Variants in LDLRAD4 observed in about 807,000 individuals in gnomAD.
The protein encoded by LDLRAD4 is low-density lipoprotein receptor class A domain-containing protein 4.
Under a neutral mutation model 17.0 loss-of-function variants are expected in LDLRAD4, and 5 were observed. That is an observed-to-expected ratio of 0.29 (90% CI 0.15 to 0.62). The LOEUF is 0.62. LDLRAD4 is among the 20% of genes least tolerant of loss of function. LDLRAD4 has a pLI of 0.84. For synonymous variants in LDLRAD4, 168 were observed against 171.8 expected, an observed-to-expected ratio of 0.98 and a Z score of 0.17; for missense variants, 340 against 424.7, an observed-to-expected ratio of 0.80 and a Z score of 1.75.
intron 1 of LDLRAD4, among the ~76,000 whole-genome samples, chr18:13,253,629 G>T (rs147711665): frequency 3.9e-5 from 6 of 152,172 alleles, no homozygotes; most frequent in Non-Finnish European, 7.3e-5. Context: ...CAAATGAAGT[G>T]GGGGGAGGAA....
chr18:13,223,789 G>T (rs1447233576), intron 1 of LDLRAD4, among the ~76,000 whole-genome samples: 2 of 152,200 alleles, frequency 1.3e-5, no homozygotes, highest in Non-Finnish European at 2.9e-5. Context: ...CCTCACAGCG[G>T]CCCTGTGACA....
At chr18:13,386,821 C>T (rs2085844392) in intron 1 of LDLRAD4, among the ~76,000 whole-genome samples, 1 of 152,104 alleles carries the variant, frequency 6.6e-6, no homozygotes, top group Admixed American at 6.5e-5. Flanking sequence ...GGAGGCCAAG[C>T]CCTTTGTGAG....
chr18:13,517,011 G>A (rs940399795), intron 3 of LDLRAD4, among the ~76,000 whole-genome samples: 5 of 152,110 alleles, frequency 3.3e-5, no homozygotes, highest in African/African-American at 9.7e-5. Flanking sequence ...TGCCACACCC[G>A]GCTAATTGTT....
chr18:13,322,465 A>T (rs1401376965), intron 1 of LDLRAD4, among the ~76,000 whole-genome samples: 2 of 151,268 alleles, frequency 1.3e-5, no homozygotes, highest in Non-Finnish European at 2.9e-5. Context: ...ACGCCCAGCT[A>T]ATTTTTGTAT....
At chr18:13,345,510 T>G (rs1349955864) in intron 1 of LDLRAD4, among the ~76,000 whole-genome samples, 2 of 152,206 alleles carry the variant, frequency 1.3e-5, no homozygotes, top group Admixed American at 6.5e-5. Context: ...ATTTTTGCAT[T>G]GATGTTCATC....
At chr18:13,580,249 G>C (rs1467154185) in intron 3 of LDLRAD4, among the ~76,000 whole-genome samples, 3 of 152,214 alleles carry the variant, frequency 2.0e-5, no homozygotes, top group Non-Finnish European at 2.9e-5. Context: ...CCAGCTCCTG[G>C]CCTTCCCTGC....
chr18:13,534,047 T>C (rs1200377656), intron 3 of LDLRAD4, among the ~76,000 whole-genome samples: 4 of 152,202 alleles, frequency 2.6e-5, no homozygotes, highest in African/African-American at 9.7e-5. Context: ...GCCTGCCTTC[T>C]GATGCTTCCT....
intron 3 of LDLRAD4, among the ~76,000 whole-genome samples, chr18:13,598,127 A>G (rs1380524050): frequency 1.3e-5 from 2 of 152,136 alleles, no homozygotes; most frequent in African/African-American, 4.8e-5. Flanking sequence ...TTTTGATAAT[A>G]TATTGTATTG....
intron 1 of LDLRAD4, among the ~76,000 whole-genome samples, chr18:13,311,414 C>T (rs1188424828): frequency 4.6e-5 from 7 of 152,316 alleles, no homozygotes; most frequent in Admixed American, 2.0e-4. Flanking sequence ...GATGGCCCTC[C>T]GGGCTTGGCT....
At chr18:13,380,699 C>A (rs947726664) in intron 1 of LDLRAD4, among the ~76,000 whole-genome samples, 2 of 152,210 alleles carry the variant, frequency 1.3e-5, no homozygotes, top group Non-Finnish European at 2.9e-5. Flanking sequence ...AAAGAATGTT[C>A]TAATATAATT....
At chr18:13,494,591 TCCCTTGAGC>T (rs1202838085) in intron 3 of LDLRAD4, among the ~76,000 whole-genome samples, 1 of 139,946 alleles carries the variant, frequency 7.1e-6, no homozygotes, top group Admixed American at 7.4e-5. Flanking sequence ...GGTGGGAGGA[TCCCTTGAGC>T]CCCAGGAGAC....
intron 1 of LDLRAD4, among the ~76,000 whole-genome samples, chr18:13,352,211 G>A (rs550733301): frequency 1.3e-5 from 2 of 152,302 alleles, no homozygotes; most frequent in Non-Finnish European, 1.5e-5. Flanking sequence ...CACAAGACAA[G>A]GATACCCTTT....
At chr18:13,644,985 C>T in intron 5 of LDLRAD4, 142 bp from the exon 7 acceptor site, 1 of 664,706 alleles carries the variant, frequency 1.5e-6, no homozygotes, top group Admixed American at 3.4e-5. Context: ...ATTGGATTTT[C>T]CTGTTTTCTT....
At chr18:13,507,729 C>G (rs2093717117) in intron 3 of LDLRAD4, among the ~76,000 whole-genome samples, 1 of 152,192 alleles carries the variant, frequency 6.6e-6, no homozygotes, top group South Asian at 2.1e-4. Context: ...TGTGTGTGTT[C>G]TGACTGCTCC....
At position 13,402,718 on chromosome 18, in the gene LDLRAD4, T is replaced by C. The variant is rs192705780; in HGVS notation, c.40+14956T>C. 2.4e-4 allele frequency among the ~76,000 whole-genome samples: 36 copies of C among 152,328 alleles called. No homozygotes were observed. The East Asian group carries it at 6.0e-3, about 25-fold the overall frequency. On this transcript the variant is annotated intron_variant, in intron 2 of 5. Coordinates refer to ENST00000359446, the Ensembl canonical transcript of LDLRAD4. ...TGAATGAAATGGTATTTGTGATGAT[T>C]TGGGGACTCTTCCATCATTCAAATT... is the stretch of plus-strand genomic sequence containing the variant.
At chr18:13,564,658 A>C (rs2094577500) in intron 3 of LDLRAD4, among the ~76,000 whole-genome samples, 1 of 149,668 alleles carries the variant, frequency 6.7e-6, no homozygotes, top group Admixed American at 6.6e-5. Flanking sequence ...CGAGTGCGGC[A>C]GGTGAGGGTG....
rs139299849 is a variant in LDLRAD4, at chr18:13,457,983, T to C, written c.181+19599T>C. 4.3e-3 allele frequency among the ~76,000 whole-genome samples: 651 copies of C among 152,330 alleles called. 2 individuals carry two copies. The highest frequency in any genetic ancestry group is 7.3e-3 in the Admixed American group (112 of 15,306). On this transcript the variant is annotated intron_variant, in intron 3 of 5. Coordinates refer to ENST00000359446, the Ensembl canonical transcript of LDLRAD4. Reference sequence around the variant, plus strand: ...CCATGAATGGTCTTGGAAAATGATGTATCCCAGCACCATGGTGGTGGTCAT... The same window carrying C: ...CCATGAATGGTCTTGGAAAATGATGCATCCCAGCACCATGGTGGTGGTCAT...
intron 3 of LDLRAD4, among the ~76,000 whole-genome samples, chr18:13,516,283 G>A (rs1193000063): frequency 1.3e-5 from 2 of 152,200 alleles, no homozygotes; most frequent in South Asian, 2.1e-4. Context: ...AACAAACTTC[G>A]AATGAGGTTG....
chr18:13,326,763 G>T (rs1213430499), intron 1 of LDLRAD4, among the ~76,000 whole-genome samples: 16 of 151,838 alleles, frequency 1.1e-4, no homozygotes, highest in South Asian at 2.1e-4. Flanking sequence ...AGGAATTTGG[G>T]GGTCCCGAGC....
Sources: allele counts gnomAD v4.1 joint callset (sites outside exome capture counted in the v4.1 genomes callset), GRCh38; gene constraint gnomAD v4.1.1; transcripts MANE v1.5; gene names NCBI Gene and HGNC (gene_info 2026-07-23, HGNC 2026-07-21).